GABRB1: variants seen among roughly 807,000 people sequenced by gnomAD.
GABRB1 encodes gamma-aminobutyric acid receptor subunit beta-1.
A neutral mutation model predicts 51.6 loss-of-function variants in GABRB1; 17 were observed. The observed-to-expected ratio is 0.33, with a 90% CI of 0.23 to 0.49. GABRB1 has a LOEUF of 0.49. Among genes scored for constraint, GABRB1 ranks in the 20% least tolerant of loss-of-function variants. GABRB1 has a pLI of 0.99. For missense variants in GABRB1, 410 were observed against 600.6 expected (o/e 0.68, Z 3.32); for synonymous variants, 247 against 218.9 (o/e 1.13, Z -1.14).
At chr4:47,403,209 C>T in intron 5 of GABRB1, 109 bp from the exon 6 acceptor site, 3 of 1,202,974 alleles carry the variant, frequency 2.5e-6, no homozygotes, top group Non-Finnish European at 2.4e-6. Context: ...TAGTTTAAAG[C>T]AATGCCACCT....
At chr4:47,189,166 G>GCC (rs1719323687) in intron 4 of GABRB1, among the ~76,000 whole-genome samples, 1 of 151,826 alleles carries the variant, frequency 6.6e-6, no homozygotes, top group Non-Finnish European at 1.5e-5. Flanking sequence ...CGTCTAAAAA[G>GCC]TTACCAAAAA....
At chr4:47,367,747 C>T (rs900208696) in intron 5 of GABRB1, among the ~76,000 whole-genome samples, 4 of 152,116 alleles carry the variant, frequency 2.6e-5, no homozygotes, top group African/African-American at 9.7e-5. Context: ...AACAAATAAA[C>T]CCCACAATTC....
At chr4:47,296,328 G>GT (rs1344184067) in intron 4 of GABRB1, among the ~76,000 whole-genome samples, 2 of 152,126 alleles carry the variant, frequency 1.3e-5, no homozygotes, top group Non-Finnish European at 2.9e-5. Flanking sequence ...TGGATAAAGA[G>GT]TCAAGACCCA....
rs146877998 is a variant in GABRB1, at chr4:47,359,490, G to A, written c.544+39281G>A. On this transcript the variant is annotated intron_variant, in intron 5 of 8. Transcript: ENST00000295454. ...AAAAGTTAAATCAGCTTCCCAACGT[G>A]CCTAATAATCATAGAGAGTACTTTT... 6.6e-5 allele frequency among the ~76,000 whole-genome samples: 10 copies of A among 152,116 alleles called. No homozygotes were observed. In the East Asian group the frequency reaches 1.9e-3, roughly 29 times the overall value.
At chr4:47,020,237 T>C (rs1724891898) in intron 1 of GABRB1, among the ~76,000 whole-genome samples, 1 of 152,172 alleles carries the variant, frequency 6.6e-6, no homozygotes, top group Non-Finnish European at 1.5e-5. Context: ...CCCCAACCTT[T>C]CTGACCTCAT....
At chr4:47,106,064 T>C (rs1286733169) in intron 3 of GABRB1, among the ~76,000 whole-genome samples, 1 of 152,144 alleles carries the variant, frequency 6.6e-6, no homozygotes, top group Non-Finnish European at 1.5e-5. Context: ...CACTCATTAA[T>C]TCAAGAAAAG....
At chr4:47,001,359 G>A (rs112549950) in intron 1 of GABRB1, among the ~76,000 whole-genome samples, 6 of 152,030 alleles carry the variant, frequency 3.9e-5, no homozygotes, top group Admixed American at 6.5e-5. Context: ...AGCCAGGATG[G>A]TCTGAATCTC....
intron 8 of GABRB1, among the ~76,000 whole-genome samples, chr4:47,425,097 A>C: frequency 6.6e-6 from 1 of 152,302 alleles, no homozygotes; most frequent in South Asian, 2.1e-4. Flanking sequence ...AGATTAATTC[A>C]ATTATGTTTT....
chr4:47,391,633 T>C (rs1727995044), intron 5 of GABRB1, among the ~76,000 whole-genome samples: 1 of 152,236 alleles, frequency 6.6e-6, no homozygotes, highest in Admixed American at 6.5e-5. Flanking sequence ...GATTTTTGCA[T>C]TTCCTTGGTG....
intron 4 of GABRB1, among the ~76,000 whole-genome samples, chr4:47,284,438 G>A (rs73815430): frequency 0.021 from 3,163 of 152,278 alleles, 107 homozygotes; most frequent in African/African-American, 0.072. Flanking sequence ...TGCACACTTA[G>A]TCATTTCCAA....
intron 4 of GABRB1, among the ~76,000 whole-genome samples, chr4:47,229,908 G>A (rs1721076893): frequency 6.6e-6 from 1 of 152,058 alleles, no homozygotes; most frequent in Non-Finnish European, 1.5e-5. Context: ...CTTGATTTCA[G>A]GATTCTAGCC....
intron 4 of GABRB1, among the ~76,000 whole-genome samples, chr4:47,215,888 G>T (rs1720534659): frequency 1.3e-5 from 2 of 151,980 alleles, no homozygotes; most frequent in Admixed American, 1.3e-4. Flanking sequence ...CATTCATATT[G>T]GATGACACAG....
chr4:46,999,126 C>T (rs1382315971), intron 1 of GABRB1, among the ~76,000 whole-genome samples: 1 of 152,104 alleles, frequency 6.6e-6, no homozygotes, highest in African/African-American at 2.4e-5. Context: ...ATAATTTATG[C>T]ATTACCGATA....
chr4:47,173,352 T>A (rs1718524555), intron 4 of GABRB1, among the ~76,000 whole-genome samples: 1 of 152,158 alleles, frequency 6.6e-6, no homozygotes, highest in Non-Finnish European at 1.5e-5. Context: ...TGTCTCTGCC[T>A]TTTCAACTAA....
At chr4:47,201,101 G>A (rs55970545) in intron 4 of GABRB1, among the ~76,000 whole-genome samples, 1,624 of 152,122 alleles carry the variant, frequency 0.011, 30 homozygotes, top group South Asian at 0.044. Flanking sequence ...TCCCTGAACT[G>A]TGCAATATTT....
intron 1 of GABRB1, among the ~76,000 whole-genome samples, chr4:47,008,464 CTT>C (rs747910509): frequency 1.4e-5 from 2 of 144,018 alleles, no homozygotes; most frequent in Non-Finnish European, 3.1e-5. Flanking sequence ...AAATATTTTA[CTT>C]TTTTTTTTTT....
chr4:47,196,507 G>A (rs1719690391), intron 4 of GABRB1, among the ~76,000 whole-genome samples: 1 of 152,158 alleles, frequency 6.6e-6, no homozygotes, highest in South Asian at 2.1e-4. Context: ...TGCAAGCAAG[G>A]GAGCAGATGG....
chr4:47,241,722 T>C (rs893107658), intron 4 of GABRB1, among the ~76,000 whole-genome samples: 7 of 152,170 alleles, frequency 4.6e-5, no homozygotes, highest in African/African-American at 1.7e-4. Context: ...ATGTGAATCA[T>C]GAAGACATTT....
intron 1 of GABRB1, among the ~76,000 whole-genome samples, chr4:46,996,628 T>C (rs753946135): frequency 3.9e-5 from 6 of 152,140 alleles, no homozygotes; most frequent in African/African-American, 9.7e-5. Flanking sequence ...TATTAGAACA[T>C]TTGACCAAAC....
Sources: allele counts gnomAD v4.1 joint callset (sites outside exome capture counted in the v4.1 genomes callset), GRCh38; gene constraint gnomAD v4.1.1; transcripts MANE v1.5; gene names NCBI Gene and HGNC (gene_info 2026-07-23, HGNC 2026-07-21).